The following MDGA2 variants were observed in gnomAD, a reference collection of about 807,000 sequenced individuals.
The protein encoded by MDGA2 is MAM domain-containing glycosylphosphatidylinositol anchor protein 2.
A neutral mutation model predicts 117.8 loss-of-function variants in MDGA2; 40 were observed. The ratio of observed to expected loss-of-function variants is 0.34; its 90% confidence interval spans 0.26 to 0.44. The LOEUF is 0.44. MDGA2 is among the 20% of genes least tolerant of loss of function. The probability of loss-of-function intolerance (pLI) is 1.00; values close to 1 mark genes in which losing one functional copy is unlikely to be tolerated. For missense variants in MDGA2, 1,123 were observed against 1,250.6 expected, an observed-to-expected ratio of 0.90 and a Z score of 1.54; for synonymous variants, 452 against 439.0, an observed-to-expected ratio of 1.03 and a Z score of -0.37.
At chr14:47,568,386 A>G (rs1895957910) in intron 1 of MDGA2, among the ~76,000 whole-genome samples, 2 of 152,362 alleles carry the variant, frequency 1.3e-5, no homozygotes, top group East Asian at 3.9e-4. Flanking sequence ...TTTGACAAGT[A>G]CAACTAAATA....
chr14:46,849,570 T>C (rs906373874), intron 15 of MDGA2, among the ~76,000 whole-genome samples: 2 of 151,660 alleles, frequency 1.3e-5, no homozygotes, highest in African/African-American at 4.8e-5. Flanking sequence ...ATTTAAGTAA[T>C]GTGCCTTAGC....
chr14:47,199,658 C>T (rs866750301), intron 3 of MDGA2, among the ~76,000 whole-genome samples: 87 of 152,176 alleles, frequency 5.7e-4, no homozygotes, highest in Middle Eastern at 3.4e-3. Flanking sequence ...AACAATCATA[C>T]ATTATGTGGA....
At chr14:46,996,787 T>A in intron 8 of MDGA2, 1 of 174,138 alleles carries the variant, frequency 5.7e-6, no homozygotes, top group Non-Finnish European at 1.2e-5. Context: ...CCATCTGAGA[T>A]CTTTTCAGAA....
intron 2 of MDGA2, among the ~76,000 whole-genome samples, chr14:47,244,842 C>A (rs1887185128): frequency 6.6e-6 from 1 of 151,684 alleles, no homozygotes; most frequent in South Asian, 2.1e-4. Flanking sequence ...AGAACAAGAT[C>A]ATTTGTATGT....
chr14:47,002,440 T>C (rs924674007), intron 8 of MDGA2, among the ~76,000 whole-genome samples: 4 of 152,040 alleles, frequency 2.6e-5, no homozygotes, highest in Non-Finnish European at 4.4e-5. Context: ...ACATTAAAAA[T>C]TTTTAGGCCA....
At chr14:47,036,628 G>A (rs1888866055) in intron 7 of MDGA2, among the ~76,000 whole-genome samples, 1 of 152,216 alleles carries the variant, frequency 6.6e-6, no homozygotes, top group Non-Finnish European at 1.5e-5. Context: ...TCCGATAAAT[G>A]TTATATGTTC....
In MDGA2 at chr14:46,868,334, A is replaced by G. The variant is rs554141339; in HGVS notation, c.2752+5099T>C. Among the ~76,000 whole-genome samples, 3 of 152,096 alleles carry G rather than the reference A, an allele frequency of 2.0e-5. No homozygotes were observed. In the South Asian group the frequency reaches 6.2e-4, roughly 31 times the overall value. On this transcript the variant is annotated intron_variant, in intron 14 of 16. Coordinates refer to ENST00000399232, the MANE Select transcript of MDGA2 (RefSeq NM_001113498.3). ...TCAATTAGATAAACAAATATTTATTAATTTTTTTGGGGGAGTACTTGAATA... is the reference window on the plus strand; with the variant it reads ...TCAATTAGATAAACAAATATTTATTGATTTTTTTGGGGGAGTACTTGAATA...
chr14:47,633,434 T>C (rs771984114), intron 1 of MDGA2, among the ~76,000 whole-genome samples: 4 of 152,234 alleles, frequency 2.6e-5, no homozygotes, highest in Non-Finnish European at 4.4e-5. Context: ...TTTGTGCATG[T>C]GTAAGTGTGT....
chr14:46,940,615 G>A (rs1209826200), intron 9 of MDGA2, among the ~76,000 whole-genome samples: 2 of 127,352 alleles, frequency 1.6e-5, no homozygotes, highest in East Asian at 2.1e-4. Flanking sequence ...GTGACAGAGC[G>A]AGACTGTCTC....
intron 3 of MDGA2, among the ~76,000 whole-genome samples, chr14:47,213,122 G>A (rs1278460133): frequency 6.6e-6 from 1 of 151,990 alleles, no homozygotes; most frequent in Non-Finnish European, 1.5e-5. Flanking sequence ...CTCAGCAAGG[G>A]TGCATTAGCC....
intron 1 of MDGA2, among the ~76,000 whole-genome samples, chr14:47,353,006 G>C (rs192463745): frequency 1.3e-5 from 2 of 152,302 alleles, no homozygotes; most frequent in Admixed American, 1.3e-4. Context: ...CCCTGAAAGA[G>C]AGGATTCAGG....
chr14:46,911,683 C>G (rs923797554), intron 10 of MDGA2, among the ~76,000 whole-genome samples: 3 of 151,964 alleles, frequency 2.0e-5, no homozygotes, highest in Non-Finnish European at 4.4e-5. Flanking sequence ...TCAATTTTAC[C>G]TCAAGTTAAT....
intron 3 of MDGA2, among the ~76,000 whole-genome samples, chr14:47,171,992 A>C: frequency 6.6e-6 from 1 of 152,228 alleles, no homozygotes; most frequent in South Asian, 2.1e-4. Context: ...CCAGGAGATT[A>C]TATCCCGCAC....
chr14:46,846,521 A>G (rs546765190), intron 15 of MDGA2, among the ~76,000 whole-genome samples: 8 of 152,250 alleles, frequency 5.3e-5, no homozygotes, highest in South Asian at 4.1e-4. Context: ...TATGGTGTCT[A>G]TAACAATGGT....
intron 8 of MDGA2, among the ~76,000 whole-genome samples, chr14:47,003,450 C>T (rs891604345): frequency 2.6e-5 from 4 of 151,860 alleles, no homozygotes; most frequent in African/African-American, 2.4e-5. Context: ...TAAGTTCCAT[C>T]GCCTATTCAT....
chr14:47,111,079 A>T (rs1308271254), intron 5 of MDGA2, among the ~76,000 whole-genome samples: 1 of 152,212 alleles, frequency 6.6e-6, no homozygotes, highest in Non-Finnish European at 1.5e-5. Context: ...AGACAATTAT[A>T]GCCCTTAAAA....
chr14:47,227,415 C>T lies in MDGA2; in HGVS notation c.421-9220G>A, dbSNP rs1886544431. 1.3e-5 allele frequency among the ~76,000 whole-genome samples: 2 copies of T among 152,182 alleles called. 1 individual carries two copies. The highest frequency in any genetic ancestry group is 4.1e-4 in the South Asian group (2 of 4,830). On this transcript the variant is annotated intron_variant, in intron 2 of 16. Transcript: ENST00000399232. ...GGCTGACGCTAACCTCGTGAAACCA[C>T]ATCCTGGCTCAGCTTCCTCCCTTTC...
At chr14:46,889,584 ACT>A (rs968275985) in intron 10 of MDGA2, among the ~76,000 whole-genome samples, 2 of 152,054 alleles carry the variant, frequency 1.3e-5, no homozygotes, top group Non-Finnish European at 2.9e-5. Flanking sequence ...TGTCCTTGGA[ACT>A]GTCTTGGCTT....
chr14:47,410,465 G>C (rs1317541725), intron 1 of MDGA2, among the ~76,000 whole-genome samples: 1 of 151,594 alleles, frequency 6.6e-6, no homozygotes, highest in Non-Finnish European at 1.5e-5. Context: ...ACATACTTGT[G>C]GTTTACTTCC....
Sources: gnomAD v4.1 joint callset for allele counts (sites outside exome capture counted in the v4.1 genomes callset) on GRCh38, gnomAD v4.1.1 for gene constraint, MANE v1.5 for transcripts, NCBI Gene and HGNC (gene_info 2026-07-23, HGNC 2026-07-21) for gene names.